MCC: variants seen among roughly 807,000 people sequenced by gnomAD.
MCC encodes the protein MCC regulator of Wnt signaling pathway.
MCC carries 90 observed loss-of-function variants against 116.2 expected under a neutral mutation model. The observed-to-expected ratio is 0.77, with a 90% CI of 0.65 to 0.92. MCC has a LOEUF of 0.92. MCC is among the 40% of genes least tolerant of loss of function. MCC has a pLI of 0.00. For missense variants in MCC, 1,516 were observed against 1,312.2 expected, an observed-to-expected ratio of 1.16 and a Z score of -2.40; for synonymous variants, 578 against 510.5, an observed-to-expected ratio of 1.13 and a Z score of -1.78.
At chr5:113,197,955 T>C (rs1009123996) in intron 3 of MCC, among the ~76,000 whole-genome samples, 2 of 152,158 alleles carry the variant, frequency 1.3e-5, no homozygotes, top group East Asian at 3.9e-4. Flanking sequence ...TGAAAGTGTG[T>C]CTGATAAGCA....
intron 1 of MCC, among the ~76,000 whole-genome samples, chr5:113,414,264 T>C (rs185003286): frequency 3.0e-3 from 455 of 152,296 alleles, no homozygotes; most frequent in Non-Finnish European, 4.8e-3. Flanking sequence ...GGTGGAGAGT[T>C]CTGTAGATGT....
chr5:113,141,420 C>T (rs187384822), intron 5 of MCC, among the ~76,000 whole-genome samples: 61 of 152,302 alleles, frequency 4.0e-4, no homozygotes, highest in African/African-American at 1.4e-3. Context: ...CTAATAAATC[C>T]CCTTTCATAT....
chr5:113,311,797 C>A (rs1767140055), intron 3 of MCC, among the ~76,000 whole-genome samples: 2 of 151,764 alleles, frequency 1.3e-5, no homozygotes, highest in South Asian at 4.2e-4. Flanking sequence ...CATGGTAAAA[C>A]CCCGTCTCTA....
At chr5:113,066,900 T>G (rs761200731) in intron 13 of MCC, among the ~76,000 whole-genome samples, 1 of 152,208 alleles carries the variant, frequency 6.6e-6, no homozygotes, top group Non-Finnish European at 1.5e-5. Context: ...CCTGGTCACC[T>G]TGGCTTTCTG....
intron 3 of MCC, among the ~76,000 whole-genome samples, chr5:113,270,288 A>AT (rs983216584): frequency 6.6e-6 from 1 of 152,144 alleles, no homozygotes; most frequent in African/African-American, 2.4e-5. Flanking sequence ...TAGGTCATCC[A>AT]CGCCAGGGTG....
At chr5:113,027,912 C>T (rs949321639) in intron 18 of MCC, among the ~76,000 whole-genome samples, 1 of 152,154 alleles carries the variant, frequency 6.6e-6, no homozygotes, top group African/African-American at 2.4e-5. Context: ...GGGACGAGAG[C>T]AGAGAGGTTG....
At chr5:113,357,082 A>T (rs1768432157) in intron 2 of MCC, among the ~76,000 whole-genome samples, 1 of 152,226 alleles carries the variant, frequency 6.6e-6, no homozygotes, top group Admixed American at 6.5e-5. Context: ...CAGCTATGTG[A>T]CATCAAGCAA....
At chr5:113,037,024 G>A (rs1313630467) in intron 17 of MCC, among the ~76,000 whole-genome samples, 1 of 152,190 alleles carries the variant, frequency 6.6e-6, no homozygotes, top group African/African-American at 2.4e-5. Context: ...AACCAAATAT[G>A]AAGAATCAGC....
At chr5:113,182,982 G>C (rs572004749) in intron 3 of MCC, among the ~76,000 whole-genome samples, 14 of 152,374 alleles carry the variant, frequency 9.2e-5, no homozygotes, top group African/African-American at 3.4e-4. Context: ...TTTTCTTGGA[G>C]AGAAGGCATT....
chr5:113,317,401 T>C (rs1767311600), intron 3 of MCC, among the ~76,000 whole-genome samples: 1 of 152,222 alleles, frequency 6.6e-6, no homozygotes, highest in Non-Finnish European at 1.5e-5. Flanking sequence ...TTGCATTACA[T>C]TACAATGGAC....
At chr5:113,029,331 A>G (rs1580872150) in intron 17 of MCC, among the ~76,000 whole-genome samples, 2 of 151,178 alleles carry the variant, frequency 1.3e-5, no homozygotes, top group African/African-American at 4.9e-5. Context: ...CTAGTCTTCT[A>G]GCTAATCTAG....
At chr5:113,384,100 C>T (rs1032056160) in intron 2 of MCC, among the ~76,000 whole-genome samples, 9 of 152,124 alleles carry the variant, frequency 5.9e-5, no homozygotes, top group Non-Finnish European at 1.2e-4. Context: ...AAATCTCAAA[C>T]ATACTAAAAA....
chr5:113,447,871 C>A (rs1260572835), intron 1 of MCC, among the ~76,000 whole-genome samples: 1 of 151,954 alleles, frequency 6.6e-6, no homozygotes, highest in African/African-American at 2.4e-5. Flanking sequence ...CATTTTGAGA[C>A]AAAGGTCCAG....
intron 3 of MCC, among the ~76,000 whole-genome samples, chr5:113,164,880 C>T (rs1197199654): frequency 6.6e-6 from 1 of 152,232 alleles, no homozygotes; most frequent in Non-Finnish European, 1.5e-5. Context: ...GAGGGAGTTT[C>T]AGTGGGATCC....
chr5:113,455,191 C>G (rs757449519), intron 1 of MCC, among the ~76,000 whole-genome samples: 2 of 152,028 alleles, frequency 1.3e-5, no homozygotes, highest in Non-Finnish European at 2.9e-5. Flanking sequence ...CTTGGCAGAC[C>G]CTTCTTCATG....
intron 16 of MCC, 126 bp downstream of exon 16, chr5:113,048,967 G>T: frequency 1.2e-6 from 1 of 832,844 alleles, no homozygotes. Flanking sequence ...ACCTACGAAT[G>T]GCCTGCATTT....
intron 3 of MCC, among the ~76,000 whole-genome samples, chr5:113,305,412 C>T (rs767278433): frequency 6.6e-6 from 1 of 152,228 alleles, no homozygotes; most frequent in Admixed American, 6.5e-5. Context: ...TCTGTCATCA[C>T]TATAAAACCA....
intron 1 of MCC, among the ~76,000 whole-genome samples, chr5:113,468,822 T>G (rs1202622079): frequency 1.3e-5 from 2 of 152,226 alleles, no homozygotes; most frequent in East Asian, 1.9e-4. Context: ...TGGACTTTTT[T>G]TGGTTGGTAA....
intron 8 of MCC, among the ~76,000 whole-genome samples, chr5:113,098,923 A>G (rs1031097700): frequency 6.6e-6 from 1 of 152,200 alleles, no homozygotes; most frequent in African/African-American, 2.4e-5. Flanking sequence ...GTCACAGGGT[A>G]AAAATAAAAT....
Sources: gnomAD v4.1 joint callset for allele counts (sites outside exome capture counted in the v4.1 genomes callset) on GRCh38, gnomAD v4.1.1 for gene constraint, MANE v1.5 for transcripts, NCBI Gene and HGNC (gene_info 2026-07-23, HGNC 2026-07-21) for gene names.